ICE2: variants seen among roughly 807,000 people sequenced by gnomAD.
ICE2 encodes the protein little elongation complex subunit 2.
In ICE2, 87 loss-of-function variants were observed where a neutral mutation model predicts 105.4. The ratio of observed to expected loss-of-function variants is 0.83; its 90% CI spans 0.69 to 0.99. The LOEUF (loss-of-function observed/expected upper bound fraction) is 0.99, where lower values mean the gene tolerates loss of function less well. ICE2 is among the 50% of genes least tolerant of loss of function. ICE2 has a pLI of 0.00. For missense variants in ICE2, 1,323 were observed against 1,146.7 expected (o/e 1.15, Z -2.22); for synonymous variants, 399 against 392.0 (o/e 1.02, Z -0.21).
Position 60,453,590 on chromosome 15 carries a change from A to C in ICE2, c.1125+13T>G, listed in dbSNP as rs199560072. 1,575 of 1,610,102 alleles carry C rather than the reference A, an allele frequency of 9.8e-4. 1 individual carries two copies. Among genetic ancestry groups the C allele is most frequent in the Admixed American group, 1.8e-3 (109 of 59,380 alleles). On this transcript the variant is annotated intron_variant, in intron 9 of 15. Coordinates refer to ENST00000261520, the MANE Select transcript of ICE2 (RefSeq NM_024611.6). ...GTACATTCCCCTTAGGGGAAAAAAAAAGCATTACATACGTCCATTTCAGAT... is the reference window on the plus strand; with the variant it reads ...GTACATTCCCCTTAGGGGAAAAAAACAGCATTACATACGTCCATTTCAGAT...
Position 60,449,542 on chromosome 15 carries a change from A to G in ICE2, c.1425T>C (p.Asp475=). Residue 475 remains aspartate (D), a synonymous_variant, in exon 10 of 16, where the codon GAT becomes GAC. Transcript: ENST00000261520. Reference sequence around the variant, plus strand: ...TATTTTTGCATTCCTCAGGGCCACCATCCATACCAGTGACCAGCTGTTTCT... The same window carrying G: ...TATTTTTGCATTCCTCAGGGCCACCGTCCATACCAGTGACCAGCTGTTTCT... ...QKEKQLVTGM[D]GGPEECKNKD... is the part of the protein sequence containing the mutation. 1 of 1,614,110 alleles carries G rather than the reference A, an allele frequency of 6.2e-7. No individual in the cohort carries two copies. The highest frequency in any genetic ancestry group is 8.5e-7 in the Non-Finnish European group (1 of 1,179,950).
At chr15:60,430,825 A>G (rs998657766) in intron 14 of ICE2, among the ~76,000 whole-genome samples, 7 of 152,196 alleles carry the variant, frequency 4.6e-5, no homozygotes, top group African/African-American at 1.7e-4. Context: ...TCAGGGGGAA[A>G]ATCCATATCC....
chr15:60,462,854 T>G lies in ICE2; in HGVS notation c.528+3740A>C, dbSNP rs117712170. Among the ~76,000 whole-genome samples, 262 of 152,280 alleles carry G rather than the reference T, an allele frequency of 1.7e-3. 5 individuals are homozygous for G. In the East Asian group the frequency reaches 0.046, roughly 27 times the overall value. On this transcript the variant is annotated intron_variant, in intron 5 of 15. Coordinates refer to ENST00000261520, the MANE Select transcript of ICE2 (RefSeq NM_024611.6). Reference sequence around the variant, plus strand: ...GGTATAGCCACTTTGGAAAACCATTTGCAAATCTACTCAAGTTGAAGATAC... The same window carrying G: ...GGTATAGCCACTTTGGAAAACCATTGGCAAATCTACTCAAGTTGAAGATAC...
chr15:60,475,489 T>C (rs891385573), intron 3 of ICE2, among the ~76,000 whole-genome samples: 2 of 152,114 alleles, frequency 1.3e-5, no homozygotes, highest in Non-Finnish European at 2.9e-5. Flanking sequence ...GAACACAACG[T>C]TTTGCAACAC....
chr15:60,467,827 T>C (rs1347163863), intron 4 of ICE2, among the ~76,000 whole-genome samples: 1 of 152,212 alleles, frequency 6.6e-6, no homozygotes, highest in Non-Finnish European at 1.5e-5. Flanking sequence ...CTATGTAAAA[T>C]TCTACTGCTA....
intron 13 of ICE2, among the ~76,000 whole-genome samples, chr15:60,432,958 T>G (rs993417220): frequency 6.6e-6 from 1 of 152,162 alleles, no homozygotes; most frequent in Non-Finnish European, 1.5e-5. Flanking sequence ...AAAGCTAATA[T>G]GCCGAAGAGT....
intron 3 of ICE2, among the ~76,000 whole-genome samples, chr15:60,471,519 G>A (rs1209130590): frequency 1.3e-5 from 2 of 152,200 alleles, no homozygotes; most frequent in Non-Finnish European, 2.9e-5. Context: ...GCAACAAGAT[G>A]CTGACTCAGA....
chr15:60,457,443 C>G (rs1045967916), intron 5 of ICE2, among the ~76,000 whole-genome samples: 1 of 152,174 alleles, frequency 6.6e-6, no homozygotes, highest in Non-Finnish European at 1.5e-5. Flanking sequence ...TTAAAACACA[C>G]ACACACATTA....
At chr15:60,458,583 G>A (rs559404222) in intron 5 of ICE2, among the ~76,000 whole-genome samples, 3 of 152,136 alleles carry the variant, frequency 2.0e-5, no homozygotes, top group East Asian at 1.9e-4. Context: ...GGTGGGAAGC[G>A]AAACGTAAGA....
rs975122825 is a variant in ICE2, at chr15:60,436,068, A to T, written c.2510+75T>A. The T allele has an allele frequency of 1.2e-5, 7 of 577,154 alleles. No individual in the cohort carries two copies. The East Asian group carries it at 2.0e-4, about 16-fold the overall frequency. The allele number at this position is 577,154 out of a possible 1,614,324, so 35.8% of individuals were successfully genotyped here. ...AAAGTCTTGAAAATAATTTAAGCTT[A>T]AACAATATTTAAAGAAAAATTAATG... On this transcript the variant is annotated intron_variant, in intron 13 of 15. Coordinates refer to ENST00000261520, the MANE Select transcript of ICE2 (RefSeq NM_024611.6).
intron 13 of ICE2, among the ~76,000 whole-genome samples, chr15:60,433,644 C>T (rs967485734): frequency 1.3e-5 from 2 of 151,948 alleles, no homozygotes; most frequent in African/African-American, 4.8e-5. Context: ...GTGCCCACCA[C>T]CACACTTGAC....
rs11854856 is a variant in ICE2, at chr15:60,469,431, A to G, written c.147-1109T>C. On this transcript the variant is annotated intron_variant, in intron 3 of 15. Transcript: ENST00000261520. ...CGTAACAAACCAGCGCATCCTGCAC[A>G]TGCACCCTGGAACTTAAAAAAAAAC... Among the ~76,000 whole-genome samples, 551 of 152,246 alleles carry G rather than the reference A, an allele frequency of 3.6e-3. 1 individual carries two copies. The highest frequency in any genetic ancestry group is 0.014 in the Middle Eastern group (4 of 294).
At chr15:60,463,624 T>C (rs1328381383) in intron 5 of ICE2, among the ~76,000 whole-genome samples, 1 of 152,086 alleles carries the variant, frequency 6.6e-6, no homozygotes, top group Non-Finnish European at 1.5e-5. Flanking sequence ...AACACAAAAA[T>C]TAGCTGGGCG....
At chr15:60,428,027 TA>T (rs1274792387) in intron 15 of ICE2, among the ~76,000 whole-genome samples, 5 of 152,206 alleles carry the variant, frequency 3.3e-5, no homozygotes, top group Non-Finnish European at 2.9e-5. Flanking sequence ...TGTTTAATTA[TA>T]TCATAATTTT....
At chr15:60,426,074 G>A (rs368288380) in intron 15 of ICE2, among the ~76,000 whole-genome samples, 102 of 152,200 alleles carry the variant, frequency 6.7e-4, no homozygotes, top group African/African-American at 2.3e-3. Flanking sequence ...CTGAATGCAT[G>A]AAGCACACTC....
chr15:60,437,974 T>G (rs889632616), intron 12 of ICE2: 1 of 152,104 alleles, frequency 6.6e-6, no homozygotes, highest in African/African-American at 2.4e-5. Flanking sequence ...GATTCTTACT[T>G]TTTTCACAAA....
At chr15:60,425,947 A>G (rs75313470) in intron 15 of ICE2, among the ~76,000 whole-genome samples, 2,874 of 152,202 alleles carry the variant, frequency 0.019, 105 homozygotes, top group African/African-American at 0.066. Flanking sequence ...AAAACTTTCC[A>G]CTGGCTTTCA....
chr15:60,479,045 C>G lies in ICE2; in HGVS notation c.-135G>C. ...CTCTTGCCCAGGCCGCAGCCACACACCACACACGCTCCACCCCACTCCTCA... is the reference window on the plus strand; with the variant it reads ...CTCTTGCCCAGGCCGCAGCCACACAGCACACACGCTCCACCCCACTCCTCA... On this transcript the variant is annotated 5_prime_UTR_variant, in exon 1 of 16. Coordinates refer to ENST00000261520, the MANE Select transcript of ICE2 (RefSeq NM_024611.6). 2.2e-6 allele frequency: 1 copy of G among 455,952 alleles called. No homozygotes were observed. The highest frequency in any genetic ancestry group is 1.5e-5 in the South Asian group (1 of 64,536). 28.2% of individuals were successfully genotyped at this position (455,952 alleles called of 1,614,324 possible). A position where few individuals can be genotyped will look rare whatever the true frequency, so the allele number is the denominator to read the frequency against.
intron 5 of ICE2, among the ~76,000 whole-genome samples, chr15:60,460,781 T>G (rs1374410394): frequency 2.0e-5 from 3 of 152,190 alleles, no homozygotes; most frequent in Non-Finnish European, 4.4e-5. Flanking sequence ...ATGACTATGC[T>G]AGAACAACTA....
Sources: allele counts gnomAD v4.1 joint callset (sites outside exome capture counted in the v4.1 genomes callset), GRCh38; gene constraint gnomAD v4.1.1; transcripts MANE v1.5; gene names NCBI Gene and HGNC (gene_info 2026-07-23, HGNC 2026-07-21).